The following LCE6A variants were observed in gnomAD, a reference collection of about 807,000 sequenced individuals.
LCE6A encodes the protein late cornified envelope 6A.
For synonymous variants in LCE6A, 38 were observed against 35.2 expected, an observed-to-expected ratio of 1.08 and a Z score of -0.28; for missense variants, 105 against 95.3, an observed-to-expected ratio of 1.10 and a Z score of -0.42.
At chr1:152,843,438 G>A in intron 1 of LCE6A, 62 bp from the exon 2 acceptor site, 1 of 1,384,296 alleles carries the variant, frequency 7.2e-7, no homozygotes, top group Non-Finnish European at 9.6e-7. Flanking sequence ...GCTCCAGTTT[G>A]TGGAGGAGAG....
At chr1:152,843,403 T>C in intron 1 of LCE6A, 97 bp from the exon 2 acceptor site, 1 of 1,117,596 alleles carries the variant, frequency 8.9e-7, no homozygotes, top group South Asian at 1.8e-5. Flanking sequence ...CAGTGGGTTG[T>C]AAATGCTGGA....
chr1:152,843,723 C>A lies in LCE6A; in HGVS notation c.203C>A (p.Thr68Lys), dbSNP rs750115141. Residue 68 changes from threonine (T) to lysine (K), a missense_variant, in exon 2 of 2, where the codon ACA (threonine) becomes AAA (lysine). Transcript: ENST00000431011. ...AAGCTGCGCTGCCTAAGTAGGGGCA[C>A]AACCTACCACTGCAAAGAGGAAGAG... ...RQKLRCLSRG[T>K]TYHCKEEECE... is the part of the protein sequence containing the mutation. The A allele has an allele frequency of 6.4e-7, 1 of 1,551,346 alleles. No homozygotes were observed. Among genetic ancestry groups the A allele is most frequent in the South Asian group, 1.2e-5 (1 of 84,040 alleles).
chr1:152,843,730 C>T lies in LCE6A; in HGVS notation c.210C>T (p.Tyr70=), dbSNP rs1179050274. 1 of 1,551,252 alleles carries T rather than the reference C, an allele frequency of 6.4e-7. No individual in the cohort carries two copies. The highest frequency in any genetic ancestry group is 2.0e-5 in the Admixed American group (1 of 50,974). ...GCTGCCTAAGTAGGGGCACAACCTA[C>T]CACTGCAAAGAGGAAGAGTGTGAAG... ...KLRCLSRGTT[Y]HCKEEECEGD is the part of the protein sequence containing the mutation. Residue 70 remains tyrosine, a synonymous_variant, in exon 2 of 2, where the codon TAC becomes TAT. Transcript: ENST00000431011.
Position 152,843,626 on chromosome 1 carries a change from G to C in LCE6A, c.106G>C (p.Ala36Pro). Residue 36 changes from alanine (A) to proline (P), a missense_variant, in exon 2 of 2, where the codon GCT becomes CCT. Ala to Pro is a conservative substitution (Grantham distance 27). Coordinates refer to ENST00000431011, the MANE Select transcript of LCE6A (RefSeq NM_001128600.2). ...CLAPYSTPCG[A>P]PHSEGCHSSS... The stretch of plus-strand genomic sequence containing the variant: ...AGCTCCCTACTCGACTCCTTGTGGT[G>C]CTCCCCATTCAGAAGGTTGTCATTC... 1 of 1,551,592 alleles carries C rather than the reference G, an allele frequency of 6.4e-7. No homozygotes were observed. The highest frequency in any genetic ancestry group is 1.2e-5 in the South Asian group (1 of 84,048).
chr1:152,843,471 G>A, intron 1 of LCE6A, 29 bp from the exon 2 acceptor site: 2 of 1,465,334 alleles, frequency 1.4e-6, no homozygotes, highest in Non-Finnish European at 1.8e-6. Context: ...AAGCTGCCTG[G>A]GTCCCTGATA....
Position 152,842,911 on chromosome 1 carries a change from A to C in LCE6A, c.-122A>C, listed in dbSNP as rs988912493. On this transcript the variant is annotated 5_prime_UTR_variant, in exon 1 of 2. Transcript: ENST00000431011. ...TTGTCCACACATCTTCCACTAGGGT[A>C]AGGCTACTTCTGGCTGAGGAGACAC... 1 of 152,324 alleles carries C rather than the reference A, an allele frequency of 6.6e-6. No individual in the cohort carries two copies. The highest frequency in any genetic ancestry group is 1.5e-5 in the Non-Finnish European group (1 of 68,122). 9.4% of individuals were successfully genotyped at this position (152,324 alleles called of 1,614,324 possible). A position where few individuals can be genotyped will look rare whatever the true frequency, so the allele number is the denominator to read the frequency against.
Position 152,843,488 on chromosome 1 carries a change from T to C in LCE6A, c.-21-12T>C. ...GCTGCCTGGGTCCCTGATATAACTA[T>C]TTTTCTTCCAGATTCGACCTGGTAG... On this transcript the variant is annotated splice_polypyrimidine_tract_variant and intron_variant, in intron 1 of 1. Coordinates refer to ENST00000431011, the MANE Select transcript of LCE6A (RefSeq NM_001128600.2). The C allele has an allele frequency of 1.3e-6, 2 of 1,489,744 alleles. No homozygotes were observed. Among genetic ancestry groups the C allele is most frequent in the Non-Finnish European group, 1.8e-6 (2 of 1,117,174 alleles). 92.3% of individuals were successfully genotyped at this position (1,489,744 alleles called of 1,614,324 possible). A position where few individuals can be genotyped will look rare whatever the true frequency, so the allele number is the denominator to read the frequency against.
chr1:152,843,822 T>C lies in LCE6A; in HGVS notation c.*59T>C. 3 of 1,475,858 alleles carry C rather than the reference T, an allele frequency of 2.0e-6. No individual in the cohort carries two copies. Among genetic ancestry groups the C allele is most frequent in the East Asian group, 5.0e-5 (2 of 40,220 alleles). 91.4% of individuals were successfully genotyped at this position (1,475,858 alleles called of 1,614,324 possible). On this transcript the variant is annotated 3_prime_UTR_variant, in exon 2 of 2. Coordinates refer to ENST00000431011, the MANE Select transcript of LCE6A (RefSeq NM_001128600.2). ...CTCTCCCTGCCCCACCTTTGGGTACTAATTCCCCCTTGGAAAGCCAGGCCC... is the reference window on the plus strand; with the variant it reads ...CTCTCCCTGCCCCACCTTTGGGTACCAATTCCCCCTTGGAAAGCCAGGCCC...
Position 152,843,328 on chromosome 1 carries a change from T to C in LCE6A, c.-21-172T>C, listed in dbSNP as rs142188946. The stretch of plus-strand genomic sequence containing the variant: ...CATGGTTATTAGTAAGTGAGTCCCC[T>C]GGGAAGATTTACTCCCAAATATTTA... On this transcript the variant is annotated intron_variant, in intron 1 of 1. Transcript: ENST00000431011. Among the ~76,000 whole-genome samples, 213 of 152,130 alleles carry C rather than the reference T, an allele frequency of 1.4e-3. 1 individual carries two copies. The highest frequency in any genetic ancestry group is 5.0e-3 in the African/African-American group (207 of 41,502).
intron 1 of LCE6A, among the ~76,000 whole-genome samples, 196 bp downstream of exon 1, chr1:152,843,207 C>T (rs1316042087): frequency 6.6e-6 from 1 of 151,282 alleles, no homozygotes; most frequent in Non-Finnish European, 1.5e-5. Flanking sequence ...CTCCTTTGCA[C>T]TTAACCAGGT....
chr1:152,843,616 T>C lies in LCE6A; in HGVS notation c.96T>C (p.Thr32=). 2 of 1,551,578 alleles carry C rather than the reference T, an allele frequency of 1.3e-6. No homozygotes were observed. The highest frequency in any genetic ancestry group is 1.7e-6 in the Non-Finnish European group (2 of 1,146,910). Residue 32 remains threonine, a synonymous_variant, in exon 2 of 2, where the codon ACT becomes ACC. Coordinates refer to ENST00000431011, the MANE Select transcript of LCE6A (RefSeq NM_001128600.2). ...ACCCCTGCCTAGCTCCCTACTCGAC[T>C]CCTTGTGGTGCTCCCCATTCAGAAG... The part of the protein sequence containing the change: ...RSNPCLAPYS[T]PCGAPHSEGC...
At position 152,843,542 on chromosome 1, in the gene LCE6A, T is replaced by C. The variant is rs1262236079; in HGVS notation, c.22T>C (p.Ser8Pro). The part of the protein sequence containing the change: MSQQKQQ[S>P]WKPPNVPKCS... ...AGCAATGTCACAGCAGAAGCAGCAA[T>C]CTTGGAAGCCTCCAAATGTTCCCAA... Residue 8 changes from serine to proline, a missense_variant, in exon 2 of 2, where the codon TCT (serine) becomes CCT (proline). Transcript: ENST00000431011. 2 of 1,544,962 alleles carry C rather than the reference T, an allele frequency of 1.3e-6. No individual in the cohort carries two copies. Among genetic ancestry groups the C allele is most frequent in the Non-Finnish European group, 1.7e-6 (2 of 1,143,840 alleles).
chr1:152,843,864 A>G lies in LCE6A; in HGVS notation c.*101A>G, dbSNP rs16834611. The G allele has an allele frequency of 0.024, 31,863 of 1,335,060 alleles. 4,951 individuals carry two copies. In the African/African-American group the frequency reaches 0.38, roughly 16 times the overall value. The allele number at this position is 1,335,060 out of a possible 1,614,324, so 82.7% of individuals were successfully genotyped here. Reference sequence around the variant, plus strand: ...GCCAGGCCCTCAACCTCTCATTTGGACTGAGAAACACTTCCTGATCCCCAG... The same window carrying G: ...GCCAGGCCCTCAACCTCTCATTTGGGCTGAGAAACACTTCCTGATCCCCAG... On this transcript the variant is annotated 3_prime_UTR_variant, in exon 2 of 2. Coordinates refer to ENST00000431011, the MANE Select transcript of LCE6A (RefSeq NM_001128600.2).
intron 1 of LCE6A, 54 bp from the exon 2 acceptor site, chr1:152,843,446 G>A: frequency 7.0e-7 from 1 of 1,423,664 alleles, no homozygotes; most frequent in Non-Finnish European, 9.3e-7. Flanking sequence ...TTGTGGAGGA[G>A]AGAAACAGAA....
In LCE6A at chr1:152,843,595, C is replaced by T; in HGVS notation, c.75C>T (p.Pro25=). 1.9e-6 allele frequency: 3 copies of T among 1,551,472 alleles called. No individual in the cohort carries two copies. Among genetic ancestry groups the T allele is most frequent in the Admixed American group, 2.0e-5 (1 of 50,992 alleles). Residue 25 remains proline, a synonymous_variant, in exon 2 of 2, where the codon CCC becomes CCT. Transcript: ENST00000431011. ...PKCSPPQRSN[P]CLAPYSTPCG... ...GCTCCCCTCCCCAAAGATCAAACCC[C>T]TGCCTAGCTCCCTACTCGACTCCTT...
Position 152,843,515 on chromosome 1 carries a change from C to A in LCE6A, c.-6C>A, listed in dbSNP as rs1298236666. On this transcript the variant is annotated 5_prime_UTR_variant, in exon 2 of 2. Coordinates refer to ENST00000431011, the MANE Select transcript of LCE6A (RefSeq NM_001128600.2). ...TTTCTTCCAGATTCGACCTGGTAGC[C>A]AAGCAATGTCACAGCAGAAGCAGCA... The A allele has an allele frequency of 6.6e-7, 1 of 1,517,820 alleles. No homozygotes were observed. The highest frequency in any genetic ancestry group is 2.2e-5 in the Admixed American group (1 of 44,882). 94.0% of individuals were successfully genotyped at this position (1,517,820 alleles called of 1,614,324 possible).
rs753644002 is a variant in LCE6A, at chr1:152,843,704, C to T, written c.184C>T (p.Arg62Cys). 62 of 1,551,296 alleles carry T rather than the reference C, an allele frequency of 4.0e-5. No individual in the cohort carries two copies. The highest frequency in any genetic ancestry group is 1.7e-4 in the Middle Eastern group (1 of 6,010). The change falls in exon 2 of 2, where the codon CGC becomes TGC. Residue 62 changes from arginine to cysteine, a missense_variant. Transcript: ENST00000431011. ...QKPRRARQKL[R>C]CLSRGTTYHC... is the part of the protein sequence containing the mutation. The stretch of plus-strand genomic sequence containing the variant: ...GCCTAGGAGGGCTCGTCAAAAGCTG[C>T]GCTGCCTAAGTAGGGGCACAACCTA...
rs757080970 is a variant in LCE6A, at chr1:152,843,847, C to A, written c.*84C>A. On this transcript the variant is annotated 3_prime_UTR_variant, in exon 2 of 2. Coordinates refer to ENST00000431011, the MANE Select transcript of LCE6A (RefSeq NM_001128600.2). Reference sequence around the variant, plus strand: ...TAATTCCCCCTTGGAAAGCCAGGCCCTCAACCTCTCATTTGGACTGAGAAA... The same window carrying A: ...TAATTCCCCCTTGGAAAGCCAGGCCATCAACCTCTCATTTGGACTGAGAAA... The A allele has an allele frequency of 1.1e-5, 16 of 1,434,068 alleles. No homozygotes were observed. Among genetic ancestry groups the A allele is most frequent in the African/African-American group, 1.4e-5 (1 of 69,570 alleles). 88.8% of individuals were successfully genotyped at this position (1,434,068 alleles called of 1,614,324 possible). A position where few individuals can be genotyped will look rare whatever the true frequency, so the allele number is the denominator to read the frequency against.
In LCE6A at chr1:152,843,553, T is replaced by C. The variant is rs1647908754; in HGVS notation, c.33T>C (p.Pro11=). Residue 11 remains proline (P), a synonymous_variant, in exon 2 of 2, where the codon CCT becomes CCC. Coordinates refer to ENST00000431011, the MANE Select transcript of LCE6A (RefSeq NM_001128600.2). MSQQKQQSWK[P]PNVPKCSPPQ... is the part of the protein sequence containing the mutation. Reference sequence around the variant, plus strand: ...AGCAGAAGCAGCAATCTTGGAAGCCTCCAAATGTTCCCAAATGCTCCCCTC... The same window carrying C: ...AGCAGAAGCAGCAATCTTGGAAGCCCCCAAATGTTCCCAAATGCTCCCCTC... 1.9e-6 allele frequency: 3 copies of C among 1,549,464 alleles called. No individual in the cohort carries two copies. Among genetic ancestry groups the C allele is most frequent in the Non-Finnish European group, 2.6e-6 (3 of 1,145,936 alleles).
Sources: gnomAD v4.1 joint callset for allele counts (sites outside exome capture counted in the v4.1 genomes callset) on GRCh38, gnomAD v4.1.1 for gene constraint, MANE v1.5 for transcripts, NCBI Gene and HGNC (gene_info 2026-07-23, HGNC 2026-07-21) for gene names.